MTUS1: variants seen among roughly 807,000 people sequenced by gnomAD.
MTUS1 encodes microtubule associated scaffold protein 1, also known as microtubule-associated tumor suppressor 1.
MTUS1 carries 109 observed loss-of-function variants against 120.8 expected under a neutral mutation model. That is an observed-to-expected ratio of 0.90 (90% CI 0.77 to 1.06). MTUS1 has a LOEUF of 1.06. Among genes scored for constraint, MTUS1 ranks in the 50% least tolerant of loss-of-function variants. MTUS1 has a pLI of 0.00. For synonymous variants in MTUS1, 737 were observed against 550.5 expected (o/e 1.34, Z -4.74); for missense variants, 2,210 against 1,486.3 (o/e 1.49, Z -8.01).
chr8:17,653,268 T>A lies in MTUS1; in HGVS notation c.3302A>T (p.Asp1101Val), dbSNP rs1396336479. ...TAAAGCATCATTTTCACTCTTCAGA[T>A]CATTGATTTGCTTCTAAAACACAAT... ...KQESLEKQINDLKSENDALNE... is the reference protein window; with the variant it reads ...KQESLEKQINVLKSENDALNE... Residue 1101 changes from aspartate to valine, a missense_variant, in exon 12 of 15, where the codon GAT (aspartate) becomes GTT (valine). Physicochemically the swap from Asp to Val is radical, Grantham distance 152 (BLOSUM62 -3). Coordinates refer to ENST00000693296, the MANE Select transcript of MTUS1 (RefSeq NM_001363059.2). 5.1e-6 allele frequency: 8 copies of A among 1,556,264 alleles called. No individual in the cohort carries two copies. Among genetic ancestry groups the A allele is most frequent in the Non-Finnish European group, 6.9e-6 (8 of 1,155,228 alleles).
At chr8:17,721,575 TAC>T (rs2045846479) in intron 4 of MTUS1, 1 of 1,086,050 alleles carries the variant, frequency 9.2e-7, no homozygotes, top group Non-Finnish European at 1.3e-6. Context: ...TAAATATACA[TAC>T]AAAATGCCCC....
intron 1 of MTUS1, among the ~76,000 whole-genome samples, chr8:17,786,604 G>A (rs1315249698): frequency 6.6e-6 from 1 of 152,192 alleles, no homozygotes; most frequent in African/African-American, 2.4e-5. Context: ...TTCTCTACAA[G>A]TGAGGTGAAA....
At chr8:17,691,057 C>G (rs1469319045) in intron 6 of MTUS1, among the ~76,000 whole-genome samples, 3 of 152,100 alleles carry the variant, frequency 2.0e-5, no homozygotes, top group Non-Finnish European at 4.4e-5. Flanking sequence ...TCTAACAAAA[C>G]AAGTATTTAC....
chr8:17,657,149 A>C (rs532717187), intron 8 of MTUS1, among the ~76,000 whole-genome samples: 2 of 152,194 alleles, frequency 1.3e-5, no homozygotes, highest in African/African-American at 4.8e-5. Context: ...AAAACTAATA[A>C]AAATAAAATA....
intron 6 of MTUS1, among the ~76,000 whole-genome samples, chr8:17,699,873 AAG>A (rs967552875): frequency 6.6e-6 from 1 of 152,172 alleles, no homozygotes; most frequent in Non-Finnish European, 1.5e-5. Flanking sequence ...ATAACTGGAT[AAG>A]CAATTACTTT....
chr8:17,709,192 T>C lies in MTUS1; in HGVS notation c.2623+4022A>G, dbSNP rs144661531. On this transcript the variant is annotated intron_variant, in intron 6 of 14. Transcript: ENST00000693296. The stretch of plus-strand genomic sequence containing the variant: ...TAATTTCCCCACACTTCCCTGCTTA[T>C]TACACTGAGGAAACTGAATACACCT... Among the ~76,000 whole-genome samples the C allele has an allele frequency of 1.3e-3, 198 of 152,148 alleles. 1 individual carries two copies. The highest frequency in any genetic ancestry group is 4.5e-3 in the African/African-American group (189 of 41,558).
chr8:17,713,334 T>C, intron 5 of MTUS1, 82 bp from the exon 6 acceptor site: 1 of 897,650 alleles, frequency 1.1e-6, no homozygotes, highest in East Asian at 2.6e-5. Context: ...ATAAGAATTA[T>C]TTTCAAAAAC....
intron 1 of MTUS1, among the ~76,000 whole-genome samples, chr8:17,780,478 C>T (rs1354601721): frequency 1.3e-5 from 2 of 152,184 alleles, no homozygotes; most frequent in South Asian, 4.1e-4. Context: ...CTGCCCATTT[C>T]CTTCTTGTCC....
chr8:17,741,550 T>G lies in MTUS1; in HGVS notation c.2287+2054A>C, dbSNP rs374676513. Among the ~76,000 whole-genome samples, 51 of 152,342 alleles carry G rather than the reference T, an allele frequency of 3.3e-4. 3 individuals carry two copies. In the East Asian group the frequency reaches 5.4e-3, roughly 16 times the overall value. ...GATAAAAGCTCAAAAGCATGCCCTGTCTTTTCACTAAGACTAAACAGATCC... is the reference window on the plus strand; with the variant it reads ...GATAAAAGCTCAAAAGCATGCCCTGGCTTTTCACTAAGACTAAACAGATCC... On this transcript the variant is annotated intron_variant, in intron 3 of 14. Coordinates refer to ENST00000693296, the MANE Select transcript of MTUS1 (RefSeq NM_001363059.2).
chr8:17,697,138 T>A, intron 6 of MTUS1: 1 of 1,286,090 alleles, frequency 7.8e-7, no homozygotes, highest in Non-Finnish European at 1.1e-6. Flanking sequence ...TCATCTCTCA[T>A]TAGAGAGAGC....
intron 7 of MTUS1, among the ~76,000 whole-genome samples, chr8:17,678,759 A>C (rs935224051): frequency 1.3e-5 from 2 of 151,910 alleles, no homozygotes; most frequent in Admixed American, 1.3e-4. Context: ...AAAAAAAAAA[A>C]AAAAAGATGT....
Position 17,735,397 on chromosome 8 carries a change from A to G in MTUS1, c.2287+8207T>C, listed in dbSNP as rs1406104734. Among the ~76,000 whole-genome samples the G allele has an allele frequency of 2.0e-5, 3 of 152,290 alleles. No homozygotes were observed. In the East Asian group the frequency reaches 5.8e-4, roughly 29 times the overall value. On this transcript the variant is annotated intron_variant, in intron 3 of 14. Transcript: ENST00000693296. ...AATTATTTTAAACATGCATTCTACT[A>G]TCCGTTCCCAAAAAATATGTAGCAC...
chr8:17,708,419 G>A (rs749408991), intron 6 of MTUS1, among the ~76,000 whole-genome samples: 3 of 152,158 alleles, frequency 2.0e-5, no homozygotes, highest in Non-Finnish European at 4.4e-5. Context: ...ACCCAGTAGG[G>A]ATAGCTATAA....
intron 3 of MTUS1, among the ~76,000 whole-genome samples, chr8:17,729,306 A>G (rs142221919): frequency 2.0e-4 from 31 of 152,336 alleles, no homozygotes; most frequent in African/African-American, 6.7e-4. Context: ...TCCACTTCCA[A>G]TTAAGCTTAA....
intron 1 of MTUS1, among the ~76,000 whole-genome samples, chr8:17,793,229 T>C (rs2051944583): frequency 6.6e-6 from 1 of 152,148 alleles, no homozygotes; most frequent in African/African-American, 2.4e-5. Context: ...TCAAACTGAC[T>C]CTTCATAATA....
chr8:17,679,254 T>A (rs142821724), intron 7 of MTUS1, among the ~76,000 whole-genome samples: 145 of 151,964 alleles, frequency 9.5e-4, no homozygotes, highest in African/African-American at 3.2e-3. Flanking sequence ...TACATAGACA[T>A]ACAATGTATA....
At chr8:17,744,311 AGGC>A (rs781048100) in intron 2 of MTUS1, among the ~76,000 whole-genome samples, 110 of 152,166 alleles carry the variant, frequency 7.2e-4, no homozygotes, top group Non-Finnish European at 2.2e-4. Flanking sequence ...TTACCTCTAA[AGGC>A]GGCCACGTAT....
rs770858529 is a variant in MTUS1 at position 17,649,832 on chromosome 8, T to G, written c.3501+14A>C. On this transcript the variant is annotated intron_variant, in intron 13 of 14. Coordinates refer to ENST00000693296, the MANE Select transcript of MTUS1 (RefSeq NM_001363059.2). ...CCATTTGTAAGATCCTCTTTCATTC[T>G]GAAGGAAACATACCAGTTTCTCCAT... The G allele has an allele frequency of 7.2e-7, 1 of 1,393,880 alleles. No homozygotes were observed. 86.3% of individuals were successfully genotyped at this position (1,393,880 alleles called of 1,614,324 possible). A position where few individuals can be genotyped will look rare whatever the true frequency, so the allele number is the denominator to read the frequency against.
At chr8:17,709,711 A>AT (rs1467854206) in intron 6 of MTUS1, among the ~76,000 whole-genome samples, 3 of 152,084 alleles carry the variant, frequency 2.0e-5, no homozygotes, top group Non-Finnish European at 4.4e-5. Flanking sequence ...TGTCTAAAAA[A>AT]ATATATACCT....
Sources: gnomAD v4.1 joint callset for allele counts (sites outside exome capture counted in the v4.1 genomes callset) on GRCh38, gnomAD v4.1.1 for gene constraint, MANE v1.5 for transcripts, NCBI Gene and HGNC (gene_info 2026-07-23, HGNC 2026-07-21) for gene names.